The following HAVCR2 variants were observed in gnomAD, a reference collection of about 807,000 sequenced individuals.
HAVCR2 encodes the protein hepatitis A virus cellular receptor 2.
A neutral mutation model predicts 24.7 loss-of-function variants in HAVCR2; 13 were observed. The observed-to-expected ratio is 0.53, with a 90% CI of 0.34 to 0.84. The LOEUF (loss-of-function observed/expected upper bound fraction) is 0.84. Among genes scored for constraint, HAVCR2 ranks in the 40% least tolerant of loss-of-function variants. HAVCR2 has a pLI of 0.01. For missense variants in HAVCR2, 343 were observed against 371.2 expected, an observed-to-expected ratio of 0.92 and a Z score of 0.62; for synonymous variants, 154 against 143.4, an observed-to-expected ratio of 1.07 and a Z score of -0.53.
At chr5:157,101,598 C>T (rs987849986) in intron 3 of HAVCR2, among the ~76,000 whole-genome samples, 2 of 152,114 alleles carry the variant, frequency 1.3e-5, no homozygotes, top group Admixed American at 1.3e-4. Flanking sequence ...AGCCACTTTG[C>T]CCAAGATCAC....
rs776185551 is a variant in HAVCR2 at position 157,106,880 on chromosome 5, G to T, written c.141C>A (p.Asn47Lys). Residue 47 changes from asparagine to lysine, a missense_variant, in exon 2 of 7, where the codon AAC becomes AAA. Transcript: ENST00000307851. ...PCFYTPAAPG[N>K]LVPVCWGKGA... ...CTTTGCCCCAGCAGACGGGCACGAG[G>T]TTCCCTGGGGCGGCTGGGGTGTAGA... 23 of 1,614,220 alleles carry T rather than the reference G, an allele frequency of 1.4e-5. No homozygotes were observed. In the East Asian group the frequency reaches 1.6e-4, roughly 11 times the overall value.
At chr5:157,091,546 A>G (rs1002573460) in intron 5 of HAVCR2, among the ~76,000 whole-genome samples, 3 of 152,170 alleles carry the variant, frequency 2.0e-5, no homozygotes, top group Non-Finnish European at 4.4e-5. Context: ...TGGAGCAGAA[A>G]CTAGATGATG....
chr5:157,090,267 T>A (rs1756978960), intron 5 of HAVCR2, among the ~76,000 whole-genome samples: 2 of 151,340 alleles, frequency 1.3e-5, no homozygotes, highest in East Asian at 1.9e-4. Flanking sequence ...TAGCTAGAAC[T>A]ATAGGTGCAC....
chr5:157,106,505 G>A (rs1471808186), intron 2 of HAVCR2, 122 bp downstream of exon 2: 2 of 744,874 alleles, frequency 2.7e-6, no homozygotes, highest in Admixed American at 5.0e-5. Flanking sequence ...TTAAACTTTA[G>A]GTCTTAGTGG....
intron 6 of HAVCR2, 149 bp downstream of exon 6, chr5:157,088,792 C>T (rs112029079): frequency 2.9e-6 from 2 of 693,594 alleles, no homozygotes. Context: ...GTTACATTTT[C>T]ACTTCATAAC....
At chr5:157,105,378 T>C (rs996276040) in intron 2 of HAVCR2, among the ~76,000 whole-genome samples, 5 of 152,170 alleles carry the variant, frequency 3.3e-5, no homozygotes, top group Admixed American at 2.0e-4. Flanking sequence ...TTTTATTTTT[T>C]TATTTTTTAG....
intron 5 of HAVCR2, 97 bp from the exon 6 acceptor site, chr5:157,089,074 A>G: frequency 9.6e-7 from 1 of 1,043,526 alleles, no homozygotes; most frequent in Non-Finnish European, 1.4e-6. Flanking sequence ...TAGTTTAGGG[A>G]AATCTGGTCT....
intron 4 of HAVCR2, among the ~76,000 whole-genome samples, chr5:157,096,329 T>G (rs563103518): frequency 5.1e-4 from 78 of 152,212 alleles, no homozygotes; most frequent in Non-Finnish European, 9.6e-4. Flanking sequence ...TATAAAATGC[T>G]TAGTACAGGG....
intron 3 of HAVCR2, among the ~76,000 whole-genome samples, chr5:157,100,977 T>C (rs189433650): frequency 0.011 from 1,613 of 152,078 alleles, 37 homozygotes; most frequent in African/African-American, 0.037. Context: ...ACGCCTGTAG[T>C]CCCAGCTACT....
chr5:157,102,928 C>A (rs1434114329), intron 3 of HAVCR2, among the ~76,000 whole-genome samples: 1 of 78,922 alleles, frequency 1.3e-5, no homozygotes, highest in African/African-American at 5.2e-5. Flanking sequence ...GAGTGAGACT[C>A]CGTCTCAAAA....
chr5:157,086,870 G>C lies in HAVCR2; in HGVS notation c.*232C>G, dbSNP rs1437477755. 2.1e-6 allele frequency: 1 copy of C among 484,390 alleles called. No homozygotes were observed. 30.0% of individuals were successfully genotyped at this position (484,390 alleles called of 1,614,324 possible). A position where few individuals can be genotyped will look rare whatever the true frequency, so the allele number is the denominator to read the frequency against. On this transcript the variant is annotated 3_prime_UTR_variant, in exon 7 of 7. Transcript: ENST00000307851. Reference sequence around the variant, plus strand: ...AGCCCGTTTGAGCTCTAACATCCATGATTAACAGTCTCTGGGTTGGGTAAC... The same window carrying C: ...AGCCCGTTTGAGCTCTAACATCCATCATTAACAGTCTCTGGGTTGGGTAAC...
intron 3 of HAVCR2, among the ~76,000 whole-genome samples, chr5:157,102,505 A>T (rs535462073): frequency 1.3e-5 from 2 of 152,256 alleles, no homozygotes; most frequent in East Asian, 3.9e-4. Flanking sequence ...TTATTTTCCT[A>T]TTTAGGAGCT....
chr5:157,089,574 T>C (rs992477397), intron 5 of HAVCR2, among the ~76,000 whole-genome samples: 5 of 148,488 alleles, frequency 3.4e-5, no homozygotes, highest in Non-Finnish European at 7.5e-5. Flanking sequence ...AAATAGTAAA[T>C]AGGAAAACAA....
intron 5 of HAVCR2, among the ~76,000 whole-genome samples, chr5:157,094,354 AT>A (rs542368250): frequency 1.8e-3 from 270 of 150,460 alleles, no homozygotes; most frequent in Middle Eastern, 0.018. Flanking sequence ...CATTGTATTT[AT>A]TTATTTATTT....
At chr5:157,104,942 GC>G in intron 2 of HAVCR2, 193 bp from the exon 3 acceptor site, 1 of 402,814 alleles carries the variant, frequency 2.5e-6, no homozygotes, top group Non-Finnish European at 4.5e-6. Context: ...AAGGTAAGAT[GC>G]AGTCATCATT....
intron 3 of HAVCR2, among the ~76,000 whole-genome samples, chr5:157,102,231 T>G (rs185914530): frequency 6.6e-6 from 1 of 151,354 alleles, no homozygotes; most frequent in Non-Finnish European, 1.5e-5. Flanking sequence ...GCCACTGCAC[T>G]CAGCCTAATT....
chr5:157,088,980 A>G lies in HAVCR2; in HGVS notation c.677-3T>C, dbSNP rs1247236986. The G allele has an allele frequency of 6.2e-7, 1 of 1,603,470 alleles. No individual in the cohort carries two copies. The highest frequency in any genetic ancestry group is 1.1e-5 in the South Asian group (1 of 88,620). On this transcript the variant is annotated splice_polypyrimidine_tract_variant and splice_region_variant and intron_variant, in intron 5 of 6. Transcript: ENST00000307851. ...CTTCTCTTTGCTATGAGAATACCCT[A>G]GTAAGGGGGAAACAAAAGCCAATAA...
In HAVCR2 at chr5:157,090,122, C is replaced by CTTTTTTTTTTTTTTTTT. The variant is rs869177923; in HGVS notation, c.677-1162_677-1146dup. 9.9e-4 allele frequency among the ~76,000 whole-genome samples: 65 copies of CTTTTTTTTTTTTTTTTT among 65,584 alleles called. 2 individuals carry two copies. The highest frequency in any genetic ancestry group is 2.4e-3 in the African/African-American group (38 of 15,568). The allele number at this position is 65,584 out of a possible 152,430, so 43.0% of individuals were successfully genotyped here. A position where few individuals can be genotyped will look rare whatever the true frequency, so the allele number is the denominator to read the frequency against. On this transcript the variant is annotated intron_variant, in intron 5 of 6. Transcript: ENST00000307851. ...TTAAAATTTTCCTTTCTTTTCTTTTCTTTTTTTTTTTTTTTTTTTTTTTTT... is the reference window on the plus strand; with the variant it reads ...TTAAAATTTTCCTTTCTTTTCTTTTCTTTTTTTTTTTTTTTTTTTTTTTTTTTTTTTTTTTTTTTTTT...
chr5:157,105,909 A>G (rs1757240379), intron 2 of HAVCR2, among the ~76,000 whole-genome samples: 1 of 152,144 alleles, frequency 6.6e-6, no homozygotes, highest in African/African-American at 2.4e-5. Context: ...GGGTAGCCAC[A>G]GTATATCAGC....
Sources: allele counts gnomAD v4.1 joint callset (sites outside exome capture counted in the v4.1 genomes callset), GRCh38; gene constraint gnomAD v4.1.1; transcripts MANE v1.5; gene names NCBI Gene and HGNC (gene_info 2026-07-23, HGNC 2026-07-21).